Variants in CDH12 observed in about 807,000 individuals in gnomAD.
CDH12 encodes the protein cadherin 12.
A neutral mutation model predicts 74.1 loss-of-function variants in CDH12; 41 were observed. That is an observed-to-expected ratio of 0.55 (90% CI 0.43 to 0.72). CDH12 has a LOEUF of 0.72. CDH12 is among the 30% of genes least tolerant of loss of function. The probability of loss-of-function intolerance (pLI) is 0.00; values close to 1 mark genes in which losing one functional copy is unlikely to be tolerated. For missense variants in CDH12, 945 were observed against 977.2 expected (o/e 0.97, Z 0.44); for synonymous variants, 399 against 355.0 (o/e 1.12, Z -1.39).
At chr5:22,425,170 T>TATATATAA (rs1343972232) in intron 2 of CDH12, among the ~76,000 whole-genome samples, 7 of 100,698 alleles carry the variant, frequency 7.0e-5, no homozygotes, top group African/African-American at 2.8e-4. Flanking sequence ...TATATATATA[T>TATATATAA]AAATATATAT....
chr5:22,028,384 C>G (rs958685631), intron 5 of CDH12, among the ~76,000 whole-genome samples: 1 of 152,078 alleles, frequency 6.6e-6, no homozygotes, highest in African/African-American at 2.4e-5. Flanking sequence ...CCCAAAATCT[C>G]CTTAAGCTGA....
intron 3 of CDH12, among the ~76,000 whole-genome samples, chr5:22,350,843 T>C (rs1740328580): frequency 6.6e-6 from 1 of 152,176 alleles, no homozygotes; most frequent in Non-Finnish European, 1.5e-5. Flanking sequence ...AAAGTTTCTT[T>C]AGGTGTTATG....
chr5:22,344,777 C>G (rs1156398298), intron 3 of CDH12, among the ~76,000 whole-genome samples: 3 of 152,146 alleles, frequency 2.0e-5, no homozygotes, highest in African/African-American at 7.2e-5. Context: ...TGTACAGATG[C>G]ATCATCAACA....
At chr5:22,851,986 T>C (rs2126543701) in intron 1 of CDH12, among the ~76,000 whole-genome samples, 1 of 152,292 alleles carries the variant, frequency 6.6e-6, no homozygotes, top group East Asian at 1.9e-4. Context: ...AACTAATACC[T>C]GCTTGGCATG....
chr5:22,328,629 T>C (rs1178255731), intron 3 of CDH12, among the ~76,000 whole-genome samples: 1 of 152,186 alleles, frequency 6.6e-6, no homozygotes, highest in African/African-American at 2.4e-5. Flanking sequence ...TGGAGAGCCA[T>C]TTGTGCCATA....
chr5:22,329,561 G>A (rs1739260575), intron 3 of CDH12, among the ~76,000 whole-genome samples: 1 of 152,128 alleles, frequency 6.6e-6, no homozygotes, highest in African/African-American at 2.4e-5. Context: ...CAAAAATCAG[G>A]TGAGCAATCA....
At chr5:22,333,750 T>A (rs1739444558) in intron 3 of CDH12, among the ~76,000 whole-genome samples, 1 of 152,108 alleles carries the variant, frequency 6.6e-6, no homozygotes, top group Non-Finnish European at 1.5e-5. Flanking sequence ...ACTAGCAAAC[T>A]GAATTAAACA....
intron 8 of CDH12, among the ~76,000 whole-genome samples, chr5:21,840,732 C>A (rs1268433084): frequency 6.6e-6 from 1 of 151,996 alleles, no homozygotes; most frequent in South Asian, 2.1e-4. Flanking sequence ...CTTTGACAAA[C>A]CTGAGAAAAA....
chr5:22,691,875 A>G (rs1249991295), intron 1 of CDH12, among the ~76,000 whole-genome samples: 1 of 152,224 alleles, frequency 6.6e-6, no homozygotes, highest in Non-Finnish European at 1.5e-5. Flanking sequence ...AAAAAGAAGG[A>G]TAAATAGAAA....
intron 1 of CDH12, among the ~76,000 whole-genome samples, chr5:22,814,650 T>C (rs934429403): frequency 4.6e-5 from 7 of 152,352 alleles, no homozygotes; most frequent in Admixed American, 4.6e-4. Context: ...TAGTTGTATT[T>C]GTAGCTAAGT....
intron 5 of CDH12, among the ~76,000 whole-genome samples, chr5:22,034,832 C>A (rs1042640867): frequency 6.6e-6 from 1 of 152,008 alleles, no homozygotes; most frequent in African/African-American, 2.4e-5. Flanking sequence ...GAATATAGAT[C>A]CTGATATAAG....
At chr5:21,898,693 T>C (rs1264510331) in intron 6 of CDH12, among the ~76,000 whole-genome samples, 2 of 151,746 alleles carry the variant, frequency 1.3e-5, no homozygotes, top group Admixed American at 6.6e-5. Context: ...AGAGCGAGAC[T>C]CCATCTCAAA....
chr5:22,456,972 GT>G (rs1240282517), intron 2 of CDH12, among the ~76,000 whole-genome samples: 2 of 151,918 alleles, frequency 1.3e-5, no homozygotes, highest in Admixed American at 6.6e-5. Context: ...TGCAGTAAAA[GT>G]GATTTTTTTC....
At chr5:22,426,016 G>A (rs1048471323) in intron 2 of CDH12, among the ~76,000 whole-genome samples, 2 of 151,642 alleles carry the variant, frequency 1.3e-5, no homozygotes, top group African/African-American at 4.8e-5. Flanking sequence ...ATGAAACCCC[G>A]TATCTACTAA....
intron 4 of CDH12, among the ~76,000 whole-genome samples, chr5:22,189,469 G>A (rs1750140127): frequency 6.6e-6 from 1 of 151,932 alleles, no homozygotes; most frequent in African/African-American, 2.4e-5. Flanking sequence ...CAGATGCTGA[G>A]ATATTGCATA....
chr5:22,273,210 A>G (rs1736481627), intron 3 of CDH12, among the ~76,000 whole-genome samples: 1 of 152,196 alleles, frequency 6.6e-6, no homozygotes, highest in Non-Finnish European at 1.5e-5. Context: ...TAGTAGCAAC[A>G]AAAATCACTG....
At chr5:22,396,276 G>A (rs772518089) in intron 3 of CDH12, among the ~76,000 whole-genome samples, 28 of 152,096 alleles carry the variant, frequency 1.8e-4, no homozygotes, top group Non-Finnish European at 2.9e-4. Flanking sequence ...GGAGAGGTCA[G>A]CATCAGAGGG....
chr5:22,653,880 C>G (rs1298873363), intron 1 of CDH12, among the ~76,000 whole-genome samples: 2 of 152,164 alleles, frequency 1.3e-5, no homozygotes, highest in African/African-American at 4.8e-5. Flanking sequence ...CTTCAAGTCT[C>G]CGAGCTTATC....
chr5:21,926,793 G>A (rs991009559), intron 6 of CDH12, among the ~76,000 whole-genome samples: 1 of 152,166 alleles, frequency 6.6e-6, no homozygotes, highest in Non-Finnish European at 1.5e-5. Context: ...TGAAGGCCGA[G>A]TGCATGCAGG....
Sources: gnomAD v4.1 joint callset for allele counts (sites outside exome capture counted in the v4.1 genomes callset) on GRCh38, gnomAD v4.1.1 for gene constraint, MANE v1.5 for transcripts, NCBI Gene and HGNC (gene_info 2026-07-23, HGNC 2026-07-21) for gene names.